ADGRV1: variants seen among roughly 807,000 people sequenced by gnomAD.
The protein encoded by ADGRV1 is G-protein coupled receptor 98.
In ADGRV1, 359 loss-of-function variants were observed where a neutral mutation model predicts 596.2. That is an observed-to-expected ratio of 0.60 (90% CI 0.55 to 0.66). The LOEUF (loss-of-function observed/expected upper bound fraction) is 0.66. Ranked by LOEUF, ADGRV1 falls within the 30% of genes least tolerant of loss-of-function variation. ADGRV1 has a pLI of 0.00. For missense variants in ADGRV1, 7,274 were observed against 7,575.6 expected (o/e 0.96, Z 1.48); for synonymous variants, 2,681 against 2,679.2 (o/e 1.00, Z -0.02).
chr5:90,775,255 C>A (rs1045988853), intron 60 of ADGRV1, among the ~76,000 whole-genome samples: 1 of 152,110 alleles, frequency 6.6e-6, no homozygotes, highest in Non-Finnish European at 1.5e-5. Context: ...GTATCTATCA[C>A]TGTGTATACT....
chr5:90,976,298 A>ATG lies in ADGRV1; in HGVS notation c.17974-9022_17974-9021dup, dbSNP rs752233519. 9.0e-3 allele frequency among the ~76,000 whole-genome samples: 1,069 copies of ATG among 118,934 alleles called. 10 individuals are homozygous for ATG. The highest frequency in any genetic ancestry group is 0.013 in the Middle Eastern group (3 of 230). 78.0% of individuals were successfully genotyped at this position (118,934 alleles called of 152,430 possible). ...TACGTGTATCTGTATGTGTGTGTAT[A>ATG]TGTGTGTGTGTGTGTGTGTGTGTGT... On this transcript the variant is annotated intron_variant, in intron 84 of 89. Transcript: ENST00000405460.
At chr5:91,134,090 A>G (rs1794434375) in intron 87 of ADGRV1, among the ~76,000 whole-genome samples, 3 of 152,238 alleles carry the variant, frequency 2.0e-5, no homozygotes, top group Admixed American at 1.3e-4. Context: ...AACTGGAAAG[A>G]TAAGTGTCTT....
intron 89 of ADGRV1, among the ~76,000 whole-genome samples, chr5:91,161,761 G>A (rs1333239573): frequency 6.6e-6 from 1 of 152,012 alleles, no homozygotes; most frequent in African/African-American, 2.4e-5. Context: ...AAGGGGAGGT[G>A]ATTAATGATT....
In ADGRV1 at chr5:91,153,301, A is replaced by G; in HGVS notation, c.18705A>G (p.Gly6235=). 1 of 1,611,544 alleles carries G rather than the reference A, an allele frequency of 6.2e-7. No individual in the cohort carries two copies. Among genetic ancestry groups the G allele is most frequent in the East Asian group, 2.2e-5 (1 of 44,840 alleles). ...ATTTAAAGCCAAGTCCACAAAATGG[A>G]GCCACGTTCCCGTCCTCTGGAGGAT... is the stretch of plus-strand genomic sequence containing the variant. ...SPDLKPSPQN[G]ATFPSSGGYG... The change falls in exon 89 of 90, where the codon GGA becomes GGG. Residue 6235 remains glycine (G), a synonymous_variant. Transcript: ENST00000405460.
Position 90,720,802 on chromosome 5 carries a change from ATTTTC to A in ADGRV1, c.9624-130_9624-126del, listed in dbSNP as rs1313200735. ...GTTACTGAAGTAACTGATTTTTAGT[ATTTTC>A]TTATCATCTCATCTTGGATTGTGTA... On this transcript the variant is annotated intron_variant, in intron 44 of 89. Transcript: ENST00000405460. 22 of 621,742 alleles carry A rather than the reference ATTTTC, an allele frequency of 3.5e-5. No individual in the cohort carries two copies. In the East Asian group the frequency reaches 3.8e-4, roughly 11 times the overall value. 38.5% of individuals were successfully genotyped at this position (621,742 alleles called of 1,614,324 possible). A position where few individuals can be genotyped will look rare whatever the true frequency, so the allele number is the denominator to read the frequency against.
intron 85 of ADGRV1, among the ~76,000 whole-genome samples, chr5:90,987,282 C>T (rs762424703): frequency 1.6e-4 from 25 of 151,978 alleles, no homozygotes; most frequent in Non-Finnish European, 1.0e-4. Flanking sequence ...AGATCAAGAC[C>T]ATTCTGGTGA....
chr5:91,089,274 A>T (rs1005219350), intron 86 of ADGRV1, among the ~76,000 whole-genome samples: 1 of 152,160 alleles, frequency 6.6e-6, no homozygotes, highest in Admixed American at 6.5e-5. Flanking sequence ...ATATACATAC[A>T]GCTGTTGGGA....
rs1163460743 is a variant in ADGRV1, at chr5:90,791,128, T to C, written c.14299T>C (p.Tyr4767His). Residue 4767 changes from tyrosine to histidine, a missense_variant, in exon 70 of 90, where the codon TAT (tyrosine) becomes CAT (histidine). By Grantham distance (83) the Tyr-to-His change is moderately conservative. Coordinates refer to ENST00000405460, the MANE Select transcript of ADGRV1 (RefSeq NM_032119.4). The stretch of plus-strand genomic sequence containing the variant: ...TGACCCACATGGAGTATTTGCCCTG[T>C]ATTCGGATCGCCAGTCAATACTTAT... The part of the protein sequence containing the change: ...NDDPHGVFAL[Y>H]SDRQSILIGQ... 2.5e-6 allele frequency: 4 copies of C among 1,613,992 alleles called. No homozygotes were observed. In the East Asian group the frequency reaches 6.7e-5, roughly 27 times the overall value.
intron 83 of ADGRV1, among the ~76,000 whole-genome samples, chr5:90,950,191 A>C (rs967631724): frequency 6.6e-6 from 1 of 152,190 alleles, no homozygotes; most frequent in Non-Finnish European, 1.5e-5. Flanking sequence ...TTTAAGATAT[A>C]TTAGTATATC....
intron 59 of ADGRV1, among the ~76,000 whole-genome samples, chr5:90,771,273 T>C (rs536388817): frequency 2.0e-5 from 3 of 152,184 alleles, no homozygotes; most frequent in Non-Finnish European, 4.4e-5. Flanking sequence ...AAGTAGCCAC[T>C]GAAAAGTAAA....
At chr5:90,734,382 T>C (rs957778320) in intron 50 of ADGRV1, among the ~76,000 whole-genome samples, 1 of 152,184 alleles carries the variant, frequency 6.6e-6, no homozygotes, top group Admixed American at 6.5e-5. Flanking sequence ...CTACCAACAG[T>C]GCATCTGCAA....
In ADGRV1 at chr5:90,783,211, G is replaced by T; in HGVS notation, c.13319G>T (p.Ser4440Ile). 1 of 1,613,652 alleles carries T rather than the reference G, an allele frequency of 6.2e-7. No individual in the cohort carries two copies. Among genetic ancestry groups the T allele is most frequent in the Non-Finnish European group, 8.5e-7 (1 of 1,179,636 alleles). ...GYVTADFISQ[S>I]SSASPGGVDY... The stretch of plus-strand genomic sequence containing the variant: ...GTGACAGCTGATTTCATCTCTCAGA[G>T]CTCCTCTGCCAGTCCCGGAGGTGTT... The change falls in exon 66 of 90, where the codon AGC (serine) becomes ATC (isoleucine). Residue 4440 changes from serine (S) to isoleucine (I), a missense_variant. By Grantham distance (142) the Ser-to-Ile change is moderately radical (BLOSUM62 -2). This residue lies in a region of ADGRV1 where 3,643 missense variants were observed against 3,809.2 expected (regional missense o/e 0.96). Transcript: ENST00000405460.
intron 20 of ADGRV1, among the ~76,000 whole-genome samples, chr5:90,656,199 A>G (rs1212857448): frequency 6.6e-6 from 1 of 152,194 alleles, no homozygotes; most frequent in Non-Finnish European, 1.5e-5. Flanking sequence ...AGTGCTTAGA[A>G]TCCTCAAATA....
At chr5:91,003,236 A>G (rs141290533) in intron 85 of ADGRV1, among the ~76,000 whole-genome samples, 2 of 152,222 alleles carry the variant, frequency 1.3e-5, no homozygotes, top group African/African-American at 4.8e-5. Context: ...TTTTTAGTGG[A>G]TAGAAATCCT....
chr5:90,753,495 G>A, intron 53 of ADGRV1, 79 bp from the exon 54 acceptor site: 1 of 1,068,180 alleles, frequency 9.4e-7, no homozygotes, highest in Non-Finnish European at 1.4e-6. Context: ...TTTAATAAAA[G>A]AAAATCAATT....
At chr5:91,150,267 C>T in intron 88 of ADGRV1, 46 bp downstream of exon 88, 2 of 1,265,350 alleles carry the variant, frequency 1.6e-6, no homozygotes, top group Admixed American at 5.8e-5. Context: ...GTCTCTGTCT[C>T]TCTCTCTCTC....
At chr5:90,691,384 C>CT (rs34426784) in intron 31 of ADGRV1, among the ~76,000 whole-genome samples, 45,582 of 123,404 alleles carry the variant, frequency 0.37, 8,997 homozygotes, top group Admixed American at 0.49. Context: ...AAACTTTTTT[C>CT]TTTTTTTTTT....
chr5:91,022,334 G>A (rs912553612), intron 85 of ADGRV1, among the ~76,000 whole-genome samples: 2 of 151,966 alleles, frequency 1.3e-5, no homozygotes, highest in Non-Finnish European at 2.9e-5. Context: ...CTTAGGCTTA[G>A]GTCCATCCAA....
At chr5:91,008,819 GGTTGT>G (rs1336963177) in intron 85 of ADGRV1, among the ~76,000 whole-genome samples, 1 of 152,080 alleles carries the variant, frequency 6.6e-6, no homozygotes, top group Non-Finnish European at 1.5e-5. Flanking sequence ...TTTACATAAT[GGTTGT>G]GTTTAATAAC....
Sources: gnomAD v4.1 joint callset for allele counts (sites outside exome capture counted in the v4.1 genomes callset) on GRCh38, gnomAD v4.1.1 for gene constraint, gnomAD v4.1.1 regional missense constraint, MANE v1.5 for transcripts, NCBI Gene and HGNC (gene_info 2026-07-23, HGNC 2026-07-21) for gene names.